The following CMC1 variants were observed in gnomAD, a reference collection of about 807,000 sequenced individuals.
The protein encoded by CMC1 is C-X9-C motif containing 1.
A neutral mutation model predicts 14.1 loss-of-function variants in CMC1; 14 were observed. That is an observed-to-expected ratio of 0.99 (90% CI 0.66 to 1.55). The LOEUF is 1.55. CMC1 is among the 40% of genes most tolerant of loss of function. CMC1 has a pLI of 0.00. For missense variants in CMC1, 127 were observed against 123.8 expected, an observed-to-expected ratio of 1.03 and a Z score of -0.12; for synonymous variants, 50 against 38.4, an observed-to-expected ratio of 1.30 and a Z score of -1.12.
Position 28,320,868 on chromosome 3 carries a change from A to G in CMC1, c.*1239A>G, listed in dbSNP as rs1160579429. The G allele has an allele frequency of 6.6e-6, 1 of 151,392 alleles. No homozygotes were observed. The highest frequency in any genetic ancestry group is 1.5e-5 in the Non-Finnish European group (1 of 67,596). 9.4% of individuals were successfully genotyped at this position (151,392 alleles called of 1,614,324 possible). A position where few individuals can be genotyped will look rare whatever the true frequency, so the allele number is the denominator to read the frequency against. On this transcript the variant is annotated 3_prime_UTR_variant, in exon 4 of 4. Coordinates refer to ENST00000466830, the MANE Select transcript of CMC1 (RefSeq NM_182523.2). ...TAACTCTTCCACAGCCATTGTAACT[A>G]GTTTCAAGATAAGTAAATTTTACGT... is the stretch of plus-strand genomic sequence containing the variant.
At chr3:28,286,623 T>A (rs1463052229) in intron 2 of CMC1, among the ~76,000 whole-genome samples, 1 of 152,256 alleles carries the variant, frequency 6.6e-6, no homozygotes, top group African/African-American at 2.4e-5. Context: ...TATTACATAA[T>A]GATATTTTGC....
intron 2 of CMC1, among the ~76,000 whole-genome samples, chr3:28,297,587 T>G (rs1701797115): frequency 6.6e-6 from 1 of 152,098 alleles, no homozygotes. Flanking sequence ...TTAAGAAAGC[T>G]TTTCCAGCAG....
In CMC1 at chr3:28,306,791, C is replaced by G. The variant is rs192455601; in HGVS notation, c.110-9542C>G. ...TCCTGAGTAGCTGGAATTACAGGCACCTGTCACCACACATGGCTAATTTTT... is the reference window on the plus strand; with the variant it reads ...TCCTGAGTAGCTGGAATTACAGGCAGCTGTCACCACACATGGCTAATTTTT... On this transcript the variant is annotated intron_variant, in intron 2 of 3. Transcript: ENST00000466830. Among the ~76,000 whole-genome samples the G allele has an allele frequency of 3.9e-5, 6 of 152,038 alleles. No individual in the cohort carries two copies. In the East Asian group the frequency reaches 1.2e-3, roughly 30 times the overall value.
At chr3:28,309,100 T>C (rs1163431850) in intron 2 of CMC1, among the ~76,000 whole-genome samples, 1 of 152,152 alleles carries the variant, frequency 6.6e-6, no homozygotes, top group East Asian at 1.9e-4. Flanking sequence ...TGCCACATAG[T>C]CCTCTGTATT....
chr3:28,317,522 A>T (rs561344380), intron 3 of CMC1: 1 of 152,214 alleles, frequency 6.6e-6, no homozygotes, highest in South Asian at 2.1e-4. Context: ...GTATGACTGA[A>T]TTATTAAATT....
intron 1 of CMC1, among the ~76,000 whole-genome samples, chr3:28,244,096 G>T (rs1013730595): frequency 3.9e-5 from 6 of 152,208 alleles, no homozygotes; most frequent in African/African-American, 1.2e-4. Flanking sequence ...GTCACTAAAT[G>T]CCTAGATATT....
At chr3:28,300,694 TTTCC>T in intron 2 of CMC1, among the ~76,000 whole-genome samples, 2 of 70,430 alleles carry the variant, frequency 2.8e-5, no homozygotes, top group Admixed American at 2.0e-4. Context: ...TTTCCCTCCC[TTTCC>T]CTCCCTCTCA....
rs1439576389 is a variant in CMC1 at position 28,322,946 on chromosome 3, C to T, written c.*3317C>T. 1.3e-5 allele frequency: 2 copies of T among 151,064 alleles called. No homozygotes were observed. Among genetic ancestry groups the T allele is most frequent in the East Asian group, 3.9e-4 (2 of 5,148 alleles). The allele number at this position is 151,064 out of a possible 1,614,324, so 9.4% of individuals were successfully genotyped here. On this transcript the variant is annotated 3_prime_UTR_variant, in exon 4 of 4. Transcript: ENST00000466830. The stretch of plus-strand genomic sequence containing the variant: ...TGTATGAACCAAGTAAATCTCCACC[C>T]TGAAAGAACTTAAATTTCCATGTGA...
chr3:28,295,783 G>A (rs778348952), intron 2 of CMC1, among the ~76,000 whole-genome samples: 2 of 151,998 alleles, frequency 1.3e-5, no homozygotes, highest in Middle Eastern at 3.2e-3. Context: ...CAGGATGCCC[G>A]TCCTTCTCCA....
chr3:28,262,896 CT>C (rs1420751450), intron 1 of CMC1, among the ~76,000 whole-genome samples: 5 of 152,192 alleles, frequency 3.3e-5, no homozygotes, highest in African/African-American at 1.2e-4. Flanking sequence ...AGAAAAACTA[CT>C]TGTGTGTCTC....
intron 2 of CMC1, among the ~76,000 whole-genome samples, chr3:28,289,078 A>G (rs1000881133): frequency 4.0e-5 from 6 of 151,426 alleles, no homozygotes; most frequent in South Asian, 2.1e-4. Context: ...GTTTCTTTAA[A>G]TATATTTTTA....
intron 1 of CMC1, among the ~76,000 whole-genome samples, chr3:28,261,636 C>A (rs912380948): frequency 1.3e-5 from 2 of 152,052 alleles, no homozygotes; most frequent in Non-Finnish European, 2.9e-5. Flanking sequence ...TTGAGTCTTC[C>A]CAGATCAGGC....
rs1703191934 is a variant in CMC1, at chr3:28,321,637, C to G, written c.*2008C>G. 6.6e-6 allele frequency: 1 copy of G among 151,298 alleles called. No homozygotes were observed. Among genetic ancestry groups the G allele is most frequent in the African/African-American group, 2.4e-5 (1 of 41,314 alleles). 9.4% of individuals were successfully genotyped at this position (151,298 alleles called of 1,614,324 possible). ...CAGGTTTTTTACCCCTTAAGATACA[C>G]CTTCTCCAAGTAGCCTTTCTGAATT... On this transcript the variant is annotated 3_prime_UTR_variant, in exon 4 of 4. Coordinates refer to ENST00000466830, the MANE Select transcript of CMC1 (RefSeq NM_182523.2).
chr3:28,262,186 C>A (rs1459717165), intron 1 of CMC1, among the ~76,000 whole-genome samples: 1 of 152,062 alleles, frequency 6.6e-6, no homozygotes, highest in Non-Finnish European at 1.5e-5. Flanking sequence ...GATTCTCATT[C>A]CTTTATGTAG....
rs186124807 is a variant in CMC1 at position 28,256,294 on chromosome 3, C to T, written c.20-6997C>T. Among the ~76,000 whole-genome samples, 6 of 152,066 alleles carry T rather than the reference C, an allele frequency of 3.9e-5. No individual in the cohort carries two copies. In the East Asian group the frequency reaches 7.8e-4, roughly 20 times the overall value. On this transcript the variant is annotated intron_variant, in intron 1 of 3. Transcript: ENST00000466830. ...ACCAGTTGGGCAAATCTGAAATGCACAGGGCAGGCTGTCAGGAAGGGCAGG... is the reference window on the plus strand; with the variant it reads ...ACCAGTTGGGCAAATCTGAAATGCATAGGGCAGGCTGTCAGGAAGGGCAGG...
chr3:28,274,792 C>T (rs549049392), intron 2 of CMC1, among the ~76,000 whole-genome samples: 98 of 151,924 alleles, frequency 6.5e-4, no homozygotes, highest in African/African-American at 2.0e-3. Flanking sequence ...CCATAGTTCT[C>T]GGAGGTTTTG....
chr3:28,273,620 T>C (rs1027550786), intron 2 of CMC1, among the ~76,000 whole-genome samples: 5 of 152,218 alleles, frequency 3.3e-5, no homozygotes, highest in Non-Finnish European at 7.3e-5. Context: ...TCAGGTTCAC[T>C]TGATCCAGAG....
chr3:28,269,042 A>G (rs1274524409), intron 2 of CMC1, among the ~76,000 whole-genome samples: 2 of 152,256 alleles, frequency 1.3e-5, no homozygotes, highest in African/African-American at 4.8e-5. Context: ...TTTTATTGTT[A>G]CAAACATTCT....
chr3:28,324,334 C>T lies in CMC1; in HGVS notation c.*4705C>T, dbSNP rs1048582848. ...TGGTAAAGGGGAAGATGTGGTATGA[C>T]AAAGAGCTTTGCCATTTGGTAAGAG... On this transcript the variant is annotated 3_prime_UTR_variant, in exon 4 of 4. Transcript: ENST00000466830. 7.5e-6 allele frequency: 12 copies of T among 1,602,696 alleles called. No homozygotes were observed. Among genetic ancestry groups the T allele is most frequent in the Admixed American group, 1.7e-5 (1 of 58,724 alleles).
Sources: allele counts gnomAD v4.1 joint callset (sites outside exome capture counted in the v4.1 genomes callset), GRCh38; gene constraint gnomAD v4.1.1; transcripts MANE v1.5; gene names NCBI Gene and HGNC (gene_info 2026-07-23, HGNC 2026-07-21).